The following SEZ6L2 variants were observed in gnomAD, a reference collection of about 807,000 sequenced individuals.
SEZ6L2 encodes seizure related 6 homolog like 2, also known as seizure 6-like protein 2.
Under a neutral mutation model 97.0 loss-of-function variants are expected in SEZ6L2, and 44 were observed. The ratio of observed to expected loss-of-function variants is 0.45; its 90% CI spans 0.36 to 0.58. The LOEUF is 0.58. Ranked by LOEUF, SEZ6L2 falls within the 20% of genes least tolerant of loss-of-function variation. The probability of loss-of-function intolerance (pLI) is 0.00; values close to 1 mark genes in which losing one functional copy is unlikely to be tolerated. For synonymous variants in SEZ6L2, 543 were observed against 546.1 expected, an observed-to-expected ratio of 0.99 and a Z score of 0.08; for missense variants, 1,086 against 1,233.3, an observed-to-expected ratio of 0.88 and a Z score of 1.79.
intron 5 of SEZ6L2, among the ~76,000 whole-genome samples, chr16:29,889,516 T>C (rs1246959026): frequency 6.6e-6 from 1 of 151,924 alleles, no homozygotes; most frequent in Non-Finnish European, 1.5e-5. Flanking sequence ...CTCTTTTGAT[T>C]TTTCTTCCCT....
At chr16:29,878,663 C>A (rs555178750) in intron 9 of SEZ6L2, among the ~76,000 whole-genome samples, 1 of 151,598 alleles carries the variant, frequency 6.6e-6, no homozygotes, top group South Asian at 2.1e-4. Flanking sequence ...TGGTTCACTG[C>A]AAGCTCTGCC....
rs777128595 is a variant in SEZ6L2 at position 29,872,209 on chromosome 16, C to T, written c.2720G>A (p.Ser907Asn). 3 of 1,609,668 alleles carry T rather than the reference C, an allele frequency of 1.9e-6. No individual in the cohort carries two copies. The highest frequency in any genetic ancestry group is 2.5e-6 in the Non-Finnish European group (3 of 1,178,068). Residue 907 changes from serine to asparagine, a missense_variant, in exon 17 of 18, where the codon AGC (serine) becomes AAC (asparagine). Ser to Asn is a conservative substitution (Grantham distance 46). Transcript: ENST00000617533. Reference protein sequence around the residue: ...YSPITVESDFSNPLYEAGDTR... With the variant: ...YSPITVESDFNNPLYEAGDTR... Reference sequence around the variant, plus strand: ...TACCCCAGCTTCATACAGCGGGTTGCTGAAGTCCGACTCCACGGTGATGGG... The same window carrying T: ...TACCCCAGCTTCATACAGCGGGTTGTTGAAGTCCGACTCCACGGTGATGGG...
chr16:29,894,894 T>C (rs2068346820), intron 5 of SEZ6L2, among the ~76,000 whole-genome samples: 1 of 151,934 alleles, frequency 6.6e-6, no homozygotes, highest in East Asian at 1.9e-4. Context: ...ATGTCCCCTC[T>C]ATAGGCCGGG....
Position 29,888,718 on chromosome 16 carries a change from G to A in SEZ6L2, c.861C>T (p.Leu287=). 6.2e-7 allele frequency: 1 copy of A among 1,611,800 alleles called. No individual in the cohort carries two copies. The part of the protein sequence containing the change: ...GGFRIHYQAY[L]LSCGFPPRPA... ...GCCGGGGAGGGAAGCCACAGCTCAG[G>A]AGGTAGGCTGCACCAGACAGACAGC... is the stretch of plus-strand genomic sequence containing the variant. Residue 287 remains leucine (L), a synonymous_variant, in exon 6 of 18, where the codon CTC becomes CTT. Coordinates refer to ENST00000617533, the MANE Select transcript of SEZ6L2 (RefSeq NM_001243332.2).
At chr16:29,895,951 A>T in intron 3 of SEZ6L2, 91 bp from the exon 4 acceptor site, 5 of 1,333,604 alleles carry the variant, frequency 3.7e-6, no homozygotes, top group Non-Finnish European at 4.1e-6. Flanking sequence ...CCTTCTCCTT[A>T]GCACTTCTCA....
rs546031045 is a variant in SEZ6L2, at chr16:29,889,201, T to G, written c.854-476A>C. Among the ~76,000 whole-genome samples the G allele has an allele frequency of 3.9e-5, 6 of 152,154 alleles. No individual in the cohort carries two copies. The South Asian group carries it at 1.0e-3, about 26-fold the overall frequency. ...CTCACGCCTGTAATCCCAGCACTTT[T>G]GGAGGCCGAGGCAGGTGGATCACGA... On this transcript the variant is annotated intron_variant, in intron 5 of 17. Coordinates refer to ENST00000617533, the MANE Select transcript of SEZ6L2 (RefSeq NM_001243332.2).
In SEZ6L2 at chr16:29,876,779, G is replaced by T. The variant is rs1477491695; in HGVS notation, c.2081C>A (p.Ala694Asp). ...ACTCTTTTGGCAGGCGGGCGGCGCG[G>T]CGCTCCAAGACAGGTCCCACTGGCA... ...LTCQWDLSWSAAPPACQKIMT... is the reference protein window; with the variant it reads ...LTCQWDLSWSDAPPACQKIMT... Residue 694 changes from alanine to aspartate, a missense_variant, in exon 12 of 18, where the codon GCC becomes GAC. Ala to Asp is a moderately radical substitution (Grantham distance 126, BLOSUM62 -2). This residue lies in a region of SEZ6L2 where 310 missense variants were observed against 438.6 expected (regional missense o/e 0.71). Transcript: ENST00000617533. The surrounding 1 kb of genome is among the most constrained non-coding windows in gnomAD (Gnocchi z 6.5). The T allele has an allele frequency of 6.4e-6, 10 of 1,559,904 alleles. 1 individual carries two copies. The South Asian group carries it at 1.0e-4, about 16-fold the overall frequency.
In SEZ6L2 at chr16:29,889,789, C is replaced by T. The variant is rs568323621; in HGVS notation, c.854-1064G>A. ...ACTACAGGTTTGTGCCACCATGCCC[C>T]GCTAATTTTTAAATTTTTTGTAGAG... On this transcript the variant is annotated intron_variant, in intron 5 of 17. Coordinates refer to ENST00000617533, the MANE Select transcript of SEZ6L2 (RefSeq NM_001243332.2). 1.0e-3 allele frequency among the ~76,000 whole-genome samples: 155 copies of T among 149,470 alleles called. 1 individual carries two copies. The highest frequency in any genetic ancestry group is 3.7e-3 in the African/African-American group (150 of 40,724).
intron 5 of SEZ6L2, among the ~76,000 whole-genome samples, chr16:29,893,101 G>A (rs1352697898): frequency 6.6e-6 from 1 of 152,142 alleles, no homozygotes; most frequent in Admixed American, 6.5e-5. Flanking sequence ...AAGGCAGGAG[G>A]ATTTCCTGAG....
chr16:29,885,199 C>T (rs2068110584), intron 8 of SEZ6L2, among the ~76,000 whole-genome samples: 1 of 150,306 alleles, frequency 6.7e-6, no homozygotes, highest in Admixed American at 6.6e-5. Context: ...CAGAGCGAGA[C>T]TCGTCTCAAA....
intron 9 of SEZ6L2, 151 bp from the exon 10 acceptor site, chr16:29,878,576 A>G (rs2067960750): frequency 1.8e-6 from 1 of 550,498 alleles, no homozygotes; most frequent in Admixed American, 4.5e-5. Context: ...CTTTTATTTT[A>G]TTTATTTATT....
chr16:29,893,450 C>A (rs557403982), intron 5 of SEZ6L2, among the ~76,000 whole-genome samples: 6 of 152,018 alleles, frequency 3.9e-5, no homozygotes, highest in Non-Finnish European at 7.4e-5. Context: ...AGTTCGAGAC[C>A]AGCCTGGCCA....
chr16:29,888,715 C>T lies in SEZ6L2; in HGVS notation c.864G>A (p.Leu288=). The change falls in exon 6 of 18, where the codon CTG becomes CTA. Residue 288 remains leucine (L), a synonymous_variant. Coordinates refer to ENST00000617533, the MANE Select transcript of SEZ6L2 (RefSeq NM_001243332.2). ...GFRIHYQAYL[L]SCGFPPRPAH... ...CCGGCCGGGGAGGGAAGCCACAGCT[C>T]AGGAGGTAGGCTGCACCAGACAGAC... 1 of 1,612,376 alleles carries T rather than the reference C, an allele frequency of 6.2e-7. No homozygotes were observed. Among genetic ancestry groups the T allele is most frequent in the Non-Finnish European group, 8.5e-7 (1 of 1,179,422 alleles).
rs1368859612 is a variant in SEZ6L2 at position 29,897,978 on chromosome 16, G to C, written c.86C>G (p.Pro29Arg). The change falls in exon 2 of 18, where the codon CCC becomes CGC. Residue 29 changes from proline to arginine, a missense_variant. Transcript: ENST00000617533. ...LLSCPWIQGL[P>R]LKEEEILPEP... is the part of the protein sequence containing the mutation. Reference sequence around the variant, plus strand: ...TGGCAATATCTCCTCCTCCTTCAGGGGCAGACCTAGGAGGTGAAGTTGTGT... The same window carrying C: ...TGGCAATATCTCCTCCTCCTTCAGGCGCAGACCTAGGAGGTGAAGTTGTGT... 3.1e-6 allele frequency: 5 copies of C among 1,613,022 alleles called. No individual in the cohort carries two copies. The highest frequency in any genetic ancestry group is 3.3e-4 in the Middle Eastern group (2 of 6,080).
At chr16:29,886,812 T>C (rs2068151415) in intron 7 of SEZ6L2, among the ~76,000 whole-genome samples, 2 of 152,182 alleles carry the variant, frequency 1.3e-5, no homozygotes, top group Admixed American at 6.6e-5. Context: ...GTTATCTCCA[T>C]TCTACAGATG....
Position 29,873,880 on chromosome 16 carries a change from G to A in SEZ6L2, c.2105-151C>T, listed in dbSNP as rs1027646522. ...TTCCAGCTACTCAGGAGTTGGAGGC[G>A]GGATGATCGCTCGAACCCAGCAGGT... On this transcript the variant is annotated intron_variant, in intron 12 of 17. Transcript: ENST00000617533. The surrounding 1 kb of genome is among the most constrained non-coding windows in gnomAD (Gnocchi z 4.3). 8 of 708,372 alleles carry A rather than the reference G, an allele frequency of 1.1e-5. No individual in the cohort carries two copies. The highest frequency in any genetic ancestry group is 1.8e-5 in the Non-Finnish European group (8 of 438,818). The allele number at this position is 708,372 out of a possible 1,614,324, so 43.9% of individuals were successfully genotyped here.
At position 29,872,391 on chromosome 16, in the gene SEZ6L2, C is replaced by G. The variant is rs1390192965; in HGVS notation, c.2645+18G>C. ...AAGACGTCTGCCCTGGCCGGCAGTC[C>G]CCAAGCAGGCTACTTACTTGGTGTA... On this transcript the variant is annotated intron_variant, in intron 16 of 17. Coordinates refer to ENST00000617533, the MANE Select transcript of SEZ6L2 (RefSeq NM_001243332.2). The G allele has an allele frequency of 6.2e-7, 1 of 1,610,744 alleles. No individual in the cohort carries two copies. Among genetic ancestry groups the G allele is most frequent in the Admixed American group, 1.7e-5 (1 of 59,996 alleles).
At chr16:29,898,127 G>T (rs1419499609) in intron 1 of SEZ6L2, 143 bp from the exon 2 acceptor site, 3 of 1,209,628 alleles carry the variant, frequency 2.5e-6, no homozygotes, top group Non-Finnish European at 2.3e-6. Context: ...TGAGGGCCAA[G>T]ATCGGAGGAG....
chr16:29,885,445 TG>T, intron 8 of SEZ6L2, 140 bp downstream of exon 8: 1 of 857,268 alleles, frequency 1.2e-6, no homozygotes, highest in Non-Finnish European at 1.8e-6. Flanking sequence ...CTTGCAGTTT[TG>T]GGGCAGGGAA....
Sources: allele counts gnomAD v4.1 joint callset (sites outside exome capture counted in the v4.1 genomes callset), GRCh38; gene constraint gnomAD v4.1.1; regional missense constraint gnomAD v4.1.1; non-coding constraint Gnocchi (gnomAD v3.1); transcripts MANE v1.5; gene names NCBI Gene and HGNC (gene_info 2026-07-23, HGNC 2026-07-21).